Variants in LRRN2 observed in about 807,000 individuals in gnomAD.
LRRN2 encodes the protein leucine rich repeat neuronal 2.
LRRN2 carries 10 observed loss-of-function variants against 35.7 expected under a neutral mutation model. That is an observed-to-expected ratio of 0.28 (90% CI 0.17 to 0.47). The LOEUF is 0.47. LRRN2 is among the 20% of genes least tolerant of loss of function. The pLI is 0.99. For missense variants in LRRN2, 731 were observed against 940.3 expected (o/e 0.78, Z 2.91); for synonymous variants, 391 against 409.6 (o/e 0.95, Z 0.55).
intron 1 of LRRN2, among the ~76,000 whole-genome samples, chr1:204,642,562 C>G (rs1225862919): frequency 6.6e-6 from 1 of 152,220 alleles, no homozygotes; most frequent in Non-Finnish European, 1.5e-5. Context: ...GCCAAACTTT[C>G]AAACAGTCCC....
At chr1:204,654,033 CAAAAA>C (rs56179230) in intron 1 of LRRN2, among the ~76,000 whole-genome samples, 3 of 84,308 alleles carry the variant, frequency 3.6e-5, no homozygotes, top group East Asian at 4.2e-4. Context: ...GAGACCCTGA[CAAAAA>C]AAAAAAAAAA....
At chr1:204,646,666 G>T (rs1162002230) in intron 1 of LRRN2, among the ~76,000 whole-genome samples, 3 of 152,130 alleles carry the variant, frequency 2.0e-5, no homozygotes, top group Non-Finnish European at 4.4e-5. Flanking sequence ...AGCTTTCAAA[G>T]ATTCAATATG....
At chr1:204,671,640 G>GGT (rs1354108750) in intron 1 of LRRN2, among the ~76,000 whole-genome samples, 2 of 75,206 alleles carry the variant, frequency 2.7e-5, no homozygotes, top group African/African-American at 1.0e-4. Context: ...GGTAATTGAT[G>GGT]GTAAAAAAAA....
intron 1 of LRRN2, among the ~76,000 whole-genome samples, chr1:204,655,615 T>G (rs2102613463): frequency 6.6e-6 from 1 of 152,066 alleles, no homozygotes; most frequent in Admixed American, 6.5e-5. Context: ...TTTTTTGTTT[T>G]TTTTTTTCTC....
intron 1 of LRRN2, among the ~76,000 whole-genome samples, chr1:204,658,863 G>A (rs1668412447): frequency 4.6e-5 from 7 of 152,132 alleles, no homozygotes; most frequent in Admixed American, 4.6e-4. Context: ...TTTACTTCTA[G>A]TGTGGTTTGG....
At chr1:204,652,268 C>CA (rs1158810072) in intron 1 of LRRN2, among the ~76,000 whole-genome samples, 32 of 61,446 alleles carry the variant, frequency 5.2e-4, no homozygotes, top group African/African-American at 1.6e-3. Flanking sequence ...CCGCCCCCCC[C>CA]CCGCCCCCCC....
At chr1:204,673,258 C>T (rs758378224) in intron 1 of LRRN2, among the ~76,000 whole-genome samples, 39 of 152,320 alleles carry the variant, frequency 2.6e-4, no homozygotes, top group South Asian at 6.2e-4. Flanking sequence ...CCAAGTCTAT[C>T]AGAATTCTTT....
At chr1:204,659,533 C>A (rs1668427192) in intron 1 of LRRN2, among the ~76,000 whole-genome samples, 1 of 152,114 alleles carries the variant, frequency 6.6e-6, no homozygotes, top group Admixed American at 6.5e-5. Flanking sequence ...CCAAACCCAG[C>A]CTCCCAGGAC....
At chr1:204,631,585 T>C (rs917209443) in intron 1 of LRRN2, among the ~76,000 whole-genome samples, 2 of 151,582 alleles carry the variant, frequency 1.3e-5, no homozygotes, top group African/African-American at 4.8e-5. Context: ...AGCATGATTC[T>C]ACCTCATGTA....
intron 1 of LRRN2, among the ~76,000 whole-genome samples, chr1:204,657,970 CTTTTTTTTTTTT>C (rs56792483): frequency 2.7e-5 from 2 of 75,266 alleles, no homozygotes; most frequent in Middle Eastern, 0.018. Flanking sequence ...GCCAATGGTT[CTTTTTTTTTTTT>C]TTTTTTTTTT....
At chr1:204,646,008 A>G (rs1381835564) in intron 1 of LRRN2, among the ~76,000 whole-genome samples, 1 of 152,184 alleles carries the variant, frequency 6.6e-6, no homozygotes, top group African/African-American at 2.4e-5. Context: ...TCTCTCAGTA[A>G]CAACCCAGGG....
chr1:204,668,367 G>C (rs537234559), intron 1 of LRRN2, among the ~76,000 whole-genome samples: 10 of 152,138 alleles, frequency 6.6e-5, no homozygotes, highest in Non-Finnish European at 1.5e-4. Flanking sequence ...GGCCGAGGCG[G>C]GCAGATCATT....
rs34503593 is a variant in LRRN2, at chr1:204,666,962, C to CAAAA, written c.-227+18354_-227+18357dup. The stretch of plus-strand genomic sequence containing the variant: ...GGATGCCAGAGTGAAACTCTGTCTC[C>CAAAA]AAAAAAAAAAAAAAAAAAAAAAAAG... On this transcript the variant is annotated intron_variant, in intron 1 of 1. Transcript: ENST00000367177. Among the ~76,000 whole-genome samples the CAAAA allele has an allele frequency of 5.1e-4, 33 of 64,814 alleles. 1 individual carries two copies. The highest frequency in any genetic ancestry group is 1.0e-3 in the East Asian group (2 of 1,990). 42.5% of individuals were successfully genotyped at this position (64,814 alleles called of 152,430 possible).
At chr1:204,646,567 C>T (rs1237456996) in intron 1 of LRRN2, among the ~76,000 whole-genome samples, 1 of 152,074 alleles carries the variant, frequency 6.6e-6, no homozygotes, top group African/African-American at 2.4e-5. Context: ...GCTAGATTTT[C>T]TCCCTTCATG....
chr1:204,644,065 T>G (rs1339982966), intron 1 of LRRN2, among the ~76,000 whole-genome samples: 2 of 152,188 alleles, frequency 1.3e-5, no homozygotes, highest in African/African-American at 4.8e-5. Context: ...TGGGTTCCCT[T>G]TCCCAGCAGG....
In LRRN2 at chr1:204,619,363, C is replaced by T; in HGVS notation, c.630G>A (p.Arg210=). 1 of 1,614,224 alleles carries T rather than the reference C, an allele frequency of 6.2e-7. No individual in the cohort carries two copies. The highest frequency in any genetic ancestry group is 8.5e-7 in the Non-Finnish European group (1 of 1,180,044). ...KVDAILDMNF[R]PLANLRSLVL... ...CCAGGCTACGCAGGTTGGCCAGGGG[C>T]CGGAAGTTCATGTCCAGGATGGCAT... The change falls in exon 2 of 2, where the codon CGG becomes CGA. Residue 210 remains arginine (R), a synonymous_variant. Transcript: ENST00000367177.
chr1:204,641,064 G>C (rs975344276), intron 1 of LRRN2, among the ~76,000 whole-genome samples: 11 of 149,770 alleles, frequency 7.3e-5, no homozygotes, highest in African/African-American at 2.7e-4. Context: ...ATGAAGAGAG[G>C]GTTCTCATGC....
chr1:204,626,941 T>C (rs1435080076), intron 1 of LRRN2: 1 of 145,760 alleles, frequency 6.9e-6, no homozygotes, highest in African/African-American at 2.6e-5. Flanking sequence ...CAAGGCTTTT[T>C]CTTTTTTCTT....
intron 1 of LRRN2, among the ~76,000 whole-genome samples, chr1:204,684,533 G>A (rs1032580523): frequency 2.6e-5 from 4 of 152,168 alleles, no homozygotes; most frequent in Non-Finnish European, 5.9e-5. Flanking sequence ...CCCTCACCCC[G>A]CGGCTCCTCG....
Sources: gnomAD v4.1 joint callset for allele counts (sites outside exome capture counted in the v4.1 genomes callset) on GRCh38, gnomAD v4.1.1 for gene constraint, MANE v1.5 for transcripts, NCBI Gene and HGNC (gene_info 2026-07-23, HGNC 2026-07-21) for gene names.